ZNF280B: variants seen among roughly 807,000 people sequenced by gnomAD.
The protein encoded by ZNF280B is zinc finger protein 280B.
In ZNF280B, 16 loss-of-function variants were observed where a neutral mutation model predicts 38.0. The ratio of observed to expected loss-of-function variants is 0.42; its 90% CI spans 0.28 to 0.64. The LOEUF is 0.64. Among genes scored for constraint, ZNF280B ranks in the 30% least tolerant of loss-of-function variants. ZNF280B has a pLI of 0.21. For synonymous variants in ZNF280B, 253 were observed against 230.6 expected (o/e 1.10, Z -0.88); for missense variants, 581 against 639.6 (o/e 0.91, Z 0.99).
chr22:22,504,803 C>G (rs2032417), intron 2 of ZNF280B, among the ~76,000 whole-genome samples: 22,539 of 151,720 alleles, frequency 0.15, 1,962 homozygotes, highest in South Asian at 0.29. Context: ...CTCATTACTA[C>G]AGAGAAAAGG....
chr22:22,500,841 A>G (rs1292744280), intron 2 of ZNF280B, among the ~76,000 whole-genome samples: 3 of 151,744 alleles, frequency 2.0e-5, no homozygotes, highest in East Asian at 4.0e-4. Context: ...CCTAGGCGAC[A>G]AGAGAGAAAC....
chr22:22,505,220 A>C, intron 2 of ZNF280B, among the ~76,000 whole-genome samples: 1 of 151,972 alleles, frequency 6.6e-6, no homozygotes, highest in East Asian at 2.0e-4. Context: ...ATGAGATAAA[A>C]AATGAGCTGT....
intron 3 of ZNF280B, among the ~76,000 whole-genome samples, chr22:22,490,521 C>A (rs1057495522): frequency 6.6e-6 from 1 of 151,788 alleles, no homozygotes; most frequent in East Asian, 2.0e-4. Flanking sequence ...CGCTCTATCA[C>A]CCAGGTATAT....
At chr22:22,507,366 G>A (rs569895562) in intron 2 of ZNF280B, among the ~76,000 whole-genome samples, 9 of 151,984 alleles carry the variant, frequency 5.9e-5, no homozygotes, top group African/African-American at 2.2e-4. Flanking sequence ...CTAATACAAT[G>A]GGTCTCACTG....
chr22:22,505,363 C>T (rs1020539889), intron 2 of ZNF280B, among the ~76,000 whole-genome samples: 6 of 151,722 alleles, frequency 4.0e-5, no homozygotes, highest in Admixed American at 2.0e-4. Context: ...GTCAGAAGTT[C>T]GAGACCGGCC....
upstream of ZNF280B, chr22:22,508,868 C>T (rs1187452228): frequency 6.6e-6 from 1 of 152,188 alleles, no homozygotes; most frequent in Non-Finnish European, 1.5e-5. Flanking sequence ...AGCATGCGCG[C>T]GCTCTGACGC....
intron 1 of ZNF280B, 140 bp from the exon 2 acceptor site, chr22:22,508,010 G>T (rs1032661128): frequency 5.9e-5 from 9 of 151,838 alleles, no homozygotes; most frequent in African/African-American, 2.2e-4. Flanking sequence ...CTTTCCCCCA[G>T]ATCTGTTCCT....
In ZNF280B at chr22:22,487,447, T is replaced by TAAAAAAAAAAAAAA. The variant is rs71199481; in HGVS notation, c.*306_*319dup. On this transcript the variant is annotated 3_prime_UTR_variant, in exon 4 of 4. Coordinates refer to ENST00000626650, the MANE Select transcript of ZNF280B (RefSeq NM_080764.4). ...TAACAGTGAGACCCTGTCTCTAAAG[T>TAAAAAAAAAAAAAA]AAAAAAAAAAAAAAAAAAAAAAAAA... The TAAAAAAAAAAAAAA allele has an allele frequency of 3.0e-5, 2 of 66,768 alleles. No individual in the cohort carries two copies. Among genetic ancestry groups the TAAAAAAAAAAAAAA allele is most frequent in the African/African-American group, 9.8e-5 (2 of 20,462 alleles). The allele number at this position is 66,768 out of a possible 1,614,324, so 4.1% of individuals were successfully genotyped here.
rs1250500013 is a variant in ZNF280B at position 22,487,125 on chromosome 22, C to T, written c.*642G>A. On this transcript the variant is annotated 3_prime_UTR_variant, in exon 4 of 4. Coordinates refer to ENST00000626650, the MANE Select transcript of ZNF280B (RefSeq NM_080764.4). ...GTATATAGAAAAAAGAGCTTTCAAGCTTAGGAGTAACATGAAATACCAAAA... is the reference window on the plus strand; with the variant it reads ...GTATATAGAAAAAAGAGCTTTCAAGTTTAGGAGTAACATGAAATACCAAAA... The T allele has an allele frequency of 6.6e-6, 1 of 151,780 alleles. No individual in the cohort carries two copies. The highest frequency in any genetic ancestry group is 1.5e-5 in the Non-Finnish European group (1 of 67,990). 9.4% of individuals were successfully genotyped at this position (151,780 alleles called of 1,614,324 possible). A position where few individuals can be genotyped will look rare whatever the true frequency, so the allele number is the denominator to read the frequency against.
intron 2 of ZNF280B, among the ~76,000 whole-genome samples, chr22:22,505,801 T>A (rs1012045477): frequency 6.6e-6 from 1 of 151,742 alleles, no homozygotes; most frequent in African/African-American, 2.4e-5. Flanking sequence ...AAACAAATTC[T>A]TCAGATTTTA....
chr22:22,497,912 T>A (rs1198444445), intron 2 of ZNF280B, among the ~76,000 whole-genome samples: 1 of 151,906 alleles, frequency 6.6e-6, no homozygotes, highest in African/African-American at 2.4e-5. Context: ...TGTATACTTG[T>A]TTATAGCAAC....
In ZNF280B at chr22:22,489,118, A is replaced by G. The variant is rs760923484; in HGVS notation, c.281T>C (p.Val94Ala). The G allele has an allele frequency of 5.0e-6, 8 of 1,613,848 alleles. No homozygotes were observed. The highest frequency in any genetic ancestry group is 1.1e-5 in the South Asian group (1 of 91,070). Residue 94 changes from valine to alanine, a missense_variant, in exon 4 of 4, where the codon GTT becomes GCT. Transcript: ENST00000626650. ...CAGGACGGTCACTGCTTCTGATGTA[A>G]CGGTCTCATGACTTTTAGGCTGCAA... ...RKLQPKSHET[V>A]TSEAVTVLPA...
chr22:22,501,035 A>AAAAAAAAAAAAAAAC (rs2061810962), intron 2 of ZNF280B, among the ~76,000 whole-genome samples: 3 of 140,310 alleles, frequency 2.1e-5, no homozygotes, highest in African/African-American at 8.3e-5. Context: ...AAAAAAAAAA[A>AAAAAAAAAAAAAAAC]AAAAAACAAA....
intron 2 of ZNF280B, among the ~76,000 whole-genome samples, chr22:22,501,019 C>CAAAAAA (rs56907724): frequency 6.0e-3 from 360 of 60,148 alleles, no homozygotes; most frequent in Non-Finnish European, 9.6e-3. Context: ...GACTCCGTCT[C>CAAAAAA]AAAAAAAAAA....
chr22:22,489,073 G>C lies in ZNF280B; in HGVS notation c.326C>G (p.Ser109Trp). Reference sequence around the variant, plus strand: ...AATAATAGGACTATCTGTTGATCTCGATTCAAGTTGGGAAGCTGGCAGGAC... The same window carrying C: ...AATAATAGGACTATCTGTTGATCTCCATTCAAGTTGGGAAGCTGGCAGGAC... ...VTVLPASQLE[S>W]RSTDSPIIIE... is the part of the protein sequence containing the mutation. The change falls in exon 4 of 4, where the codon TCG becomes TGG. Residue 109 changes from serine to tryptophan, a missense_variant. Coordinates refer to ENST00000626650, the MANE Select transcript of ZNF280B (RefSeq NM_080764.4). The C allele has an allele frequency of 6.2e-7, 1 of 1,613,836 alleles. No homozygotes were observed. The highest frequency in any genetic ancestry group is 8.5e-7 in the Non-Finnish European group (1 of 1,179,956).
In ZNF280B at chr22:22,484,641, AAC is replaced by A. The variant is rs2061482675; in HGVS notation, c.*3124_*3125del. 6.6e-6 allele frequency: 1 copy of A among 152,394 alleles called. No individual in the cohort carries two copies. Among genetic ancestry groups the A allele is most frequent in the Non-Finnish European group, 1.5e-5 (1 of 68,016 alleles). 9.4% of individuals were successfully genotyped at this position (152,394 alleles called of 1,614,324 possible). ...AAATATATAGAGGTATCAATAGAAA[AAC>A]AGAGAAAGCTCCTGAAAGAACTCAC... On this transcript the variant is annotated 3_prime_UTR_variant, in exon 4 of 4. Coordinates refer to ENST00000626650, the MANE Select transcript of ZNF280B (RefSeq NM_080764.4).
intron 2 of ZNF280B, among the ~76,000 whole-genome samples, chr22:22,505,336 C>T (rs1248939304): frequency 6.6e-6 from 1 of 151,832 alleles, no homozygotes; most frequent in Non-Finnish European, 1.5e-5. Context: ...GAGGCCGAGG[C>T]GGGTGGATCA....
Position 22,499,422 on chromosome 22 carries a change from G to A in ZNF280B, c.-186-5242C>T, listed in dbSNP as rs554187875. Among the ~76,000 whole-genome samples, 14 of 151,776 alleles carry A rather than the reference G, an allele frequency of 9.2e-5. No homozygotes were observed. The South Asian group carries it at 2.5e-3, about 27-fold the overall frequency. On this transcript the variant is annotated intron_variant, in intron 2 of 3. Transcript: ENST00000626650. ...TGGGATTACAGGCATGCGTCACCACGCCCAGCTAATTTGTTTGTATTTTTA... is the reference window on the plus strand; with the variant it reads ...TGGGATTACAGGCATGCGTCACCACACCCAGCTAATTTGTTTGTATTTTTA...
At chr22:22,502,069 G>T (rs1209492220) in intron 2 of ZNF280B, among the ~76,000 whole-genome samples, 6 of 151,940 alleles carry the variant, frequency 3.9e-5, no homozygotes, top group African/African-American at 1.5e-4. Flanking sequence ...TGATGTTGCA[G>T]TGGGCCATAA....
Sources: gnomAD v4.1 joint callset for allele counts (sites outside exome capture counted in the v4.1 genomes callset) on GRCh38, gnomAD v4.1.1 for gene constraint, MANE v1.5 for transcripts, NCBI Gene and HGNC (gene_info 2026-07-23, HGNC 2026-07-21) for gene names.